The following DLG2 variants were observed in gnomAD, a reference collection of about 807,000 sequenced individuals.
DLG2 encodes the protein discs large MAGUK scaffold protein 2.
Under a neutral mutation model 132.5 loss-of-function variants are expected in DLG2, and 45 were observed. The ratio of observed to expected loss-of-function variants is 0.34; its 90% CI spans 0.27 to 0.44. The LOEUF (loss-of-function observed/expected upper bound fraction) is 0.44, where lower values mean the gene tolerates loss of function less well. Among genes scored for constraint, DLG2 ranks in the 20% least tolerant of loss-of-function variants. The probability of loss-of-function intolerance (pLI) is 1.00; values close to 1 mark genes in which losing one functional copy is unlikely to be tolerated. For synonymous variants in DLG2, 424 were observed against 419.6 expected (o/e 1.01, Z -0.13); for missense variants, 1,045 against 1,196.9 (o/e 0.87, Z 1.87).
chr11:83,752,391 G>A (rs371604746), intron 18 of DLG2, among the ~76,000 whole-genome samples: 2 of 152,266 alleles, frequency 1.3e-5, no homozygotes, highest in East Asian at 3.9e-4. Context: ...GAGAAACCAG[G>A]AGGAAAATCA....
intron 3 of DLG2, among the ~76,000 whole-genome samples, chr11:85,554,949 T>A (rs1200613438): frequency 1.3e-5 from 2 of 151,436 alleles, no homozygotes; most frequent in Non-Finnish European, 3.0e-5. Context: ...ACACATATGA[T>A]TTAACTTTCA....
At chr11:83,773,914 C>A (rs1016007629) in intron 18 of DLG2, among the ~76,000 whole-genome samples, 1 of 152,212 alleles carries the variant, frequency 6.6e-6, no homozygotes, top group Non-Finnish European at 1.5e-5. Context: ...CCTAAGCACA[C>A]AAATACCTTA....
chr11:84,423,463 G>A (rs536000816), intron 7 of DLG2, among the ~76,000 whole-genome samples: 1 of 152,084 alleles, frequency 6.6e-6, no homozygotes, highest in Non-Finnish European at 1.5e-5. Flanking sequence ...TATCATCTAA[G>A]ATGGACTACT....
intron 6 of DLG2, among the ~76,000 whole-genome samples, chr11:84,861,810 A>G (rs1055321811): frequency 3.3e-5 from 5 of 152,048 alleles, no homozygotes; most frequent in Non-Finnish European, 4.4e-5. Context: ...ATGAACAGAC[A>G]CTTCTCAAAA....
rs553039946 is a variant in DLG2 at position 85,431,641 on chromosome 11, G to A, written c.41-146276C>T. ...CTTCAGGGCCAACAACTCCAACCAG[G>A]GGCTCAGGGACCAAACTCTGATTTC... On this transcript the variant is annotated intron_variant, in intron 3 of 27. Transcript: ENST00000376104. Among the ~76,000 whole-genome samples, 3 of 152,340 alleles carry A rather than the reference G, an allele frequency of 2.0e-5. No homozygotes were observed. The South Asian group carries it at 6.2e-4, about 32-fold the overall frequency.
Position 83,941,519 on chromosome 11 carries a change from T to C in DLG2, c.1341-11036A>G, listed in dbSNP as rs746732315. Among the ~76,000 whole-genome samples, 12 of 152,070 alleles carry C rather than the reference T, an allele frequency of 7.9e-5. No homozygotes were observed. In the Middle Eastern group the frequency reaches 0.01, roughly 129 times the overall value. On this transcript the variant is annotated intron_variant, in intron 14 of 27. Transcript: ENST00000376104. ...CAAGCCATTCTCCCATCTCAGCCTC[T>C]CAAGAAGCTGAGATTACAGGTGCGT...
At chr11:84,455,865 A>C (rs1470467782) in intron 7 of DLG2, among the ~76,000 whole-genome samples, 1 of 151,400 alleles carries the variant, frequency 6.6e-6, no homozygotes, top group Non-Finnish European at 1.5e-5. Context: ...ATTCAGGAAT[A>C]CAGGCCAAAA....
chr11:84,734,074 TGC>T (rs1399857587), intron 6 of DLG2, among the ~76,000 whole-genome samples: 1 of 152,230 alleles, frequency 6.6e-6, no homozygotes, highest in Non-Finnish European at 1.5e-5. Context: ...GGTAGCATGA[TGC>T]CTCCAGCTTT....
chr11:84,589,075 G>T (rs1021444735), intron 6 of DLG2, among the ~76,000 whole-genome samples: 1 of 152,116 alleles, frequency 6.6e-6, no homozygotes, highest in African/African-American at 2.4e-5. Context: ...CACTTTCAAA[G>T]TACTATTCTA....
chr11:85,127,219 A>G (rs1045824005), intron 5 of DLG2, among the ~76,000 whole-genome samples: 2 of 142,864 alleles, frequency 1.4e-5, no homozygotes, highest in Non-Finnish European at 3.1e-5. Flanking sequence ...GAAATGTGCA[A>G]TTCATTCTCT....
chr11:84,018,298 T>G (rs1486510939), intron 11 of DLG2, among the ~76,000 whole-genome samples: 1 of 151,956 alleles, frequency 6.6e-6, no homozygotes, highest in Non-Finnish European at 1.5e-5. Flanking sequence ...ATAATACTTT[T>G]AATAATAGTC....
chr11:85,238,947 T>C (rs905956539), intron 4 of DLG2, among the ~76,000 whole-genome samples: 6 of 152,080 alleles, frequency 3.9e-5, no homozygotes, highest in Non-Finnish European at 8.8e-5. Context: ...TCAACTTTTC[T>C]TTATAATGTC....
chr11:84,158,472 T>C (rs1220976918), intron 9 of DLG2, among the ~76,000 whole-genome samples: 1 of 152,214 alleles, frequency 6.6e-6, no homozygotes, highest in Admixed American at 6.5e-5. Flanking sequence ...AATTCAGTGG[T>C]AATAAGCTCA....
chr11:85,211,753 G>C (rs961698045), intron 4 of DLG2, among the ~76,000 whole-genome samples: 2 of 152,010 alleles, frequency 1.3e-5, no homozygotes, highest in Non-Finnish European at 2.9e-5. Flanking sequence ...ACTACTCGTC[G>C]AGGTCACTCC....
At chr11:84,660,052 C>T (rs546270392) in intron 6 of DLG2, among the ~76,000 whole-genome samples, 56 of 152,154 alleles carry the variant, frequency 3.7e-4, no homozygotes, top group African/African-American at 1.3e-3. Context: ...AGCCTTAGTG[C>T]TCAGAGTTTT....
At chr11:83,734,343 CCTT>C (rs2091531450) in intron 18 of DLG2, among the ~76,000 whole-genome samples, 1 of 3,712 alleles carries the variant, frequency 2.7e-4, no homozygotes. Context: ...ATTTTCCCTT[CCTT>C]CCTTCCTTCC....
chr11:84,466,370 T>A (rs371674273), intron 7 of DLG2, among the ~76,000 whole-genome samples: 1 of 151,352 alleles, frequency 6.6e-6, no homozygotes, highest in Admixed American at 6.6e-5. Flanking sequence ...CAAACTAAAA[T>A]GTATTTGCAG....
At chr11:84,629,916 A>G (rs2099628712) in intron 6 of DLG2, among the ~76,000 whole-genome samples, 1 of 152,182 alleles carries the variant, frequency 6.6e-6, no homozygotes, top group African/African-American at 2.4e-5. Context: ...CATAATTTTT[A>G]CAAGAGACAG....
intron 4 of DLG2, among the ~76,000 whole-genome samples, chr11:85,225,343 T>C (rs569152428): frequency 7.9e-5 from 12 of 152,182 alleles, no homozygotes; most frequent in Non-Finnish European, 1.6e-4. Context: ...AGCCCACTCA[T>C]CTCTCCGCAG....
Sources: allele counts gnomAD v4.1 joint callset (sites outside exome capture counted in the v4.1 genomes callset), GRCh38; gene constraint gnomAD v4.1.1; transcripts MANE v1.5; gene names NCBI Gene and HGNC (gene_info 2026-07-23, HGNC 2026-07-21).